NEK10: variants seen among roughly 807,000 people sequenced by gnomAD.
The protein encoded by NEK10 is NIMA related kinase 10.
A neutral mutation model predicts 159.8 loss-of-function variants in NEK10; 122 were observed. The observed-to-expected ratio is 0.76, with a 90% CI of 0.66 to 0.89. NEK10 has a LOEUF of 0.89. Among genes scored for constraint, NEK10 ranks in the 40% least tolerant of loss-of-function variants. The pLI is 0.00. For synonymous variants in NEK10, 466 were observed against 457.1 expected (o/e 1.02, Z -0.25); for missense variants, 1,342 against 1,323.1 (o/e 1.01, Z -0.22).
chr3:27,129,093 G>C (rs911787418), intron 32 of NEK10, among the ~76,000 whole-genome samples: 1 of 151,886 alleles, frequency 6.6e-6, no homozygotes, highest in Non-Finnish European at 1.5e-5. Context: ...GAAAATCCTA[G>C]TTCCCAAGGG....
intron 8 of NEK10, 59 bp from the exon 9 acceptor site, chr3:27,311,075 A>C (rs1221888040): frequency 2.0e-5 from 21 of 1,059,370 alleles, no homozygotes; most frequent in Non-Finnish European, 2.9e-5. Context: ...GAGTACTTCC[A>C]GGAGCACAGA....
At chr3:27,334,710 C>G (rs2046673880) in intron 5 of NEK10, among the ~76,000 whole-genome samples, 1 of 152,160 alleles carries the variant, frequency 6.6e-6, no homozygotes, top group Non-Finnish European at 1.5e-5. Context: ...CCCTACCCAA[C>G]CAACATTATA....
intron 26 of NEK10, among the ~76,000 whole-genome samples, chr3:27,188,269 G>A (rs188731350): frequency 5.9e-5 from 9 of 152,148 alleles, no homozygotes; most frequent in Admixed American, 4.6e-4. Context: ...AAAATGTTCG[G>A]AATCATTAGA....
intron 22 of NEK10, among the ~76,000 whole-genome samples, chr3:27,258,441 A>G (rs1458765041): frequency 6.9e-6 from 1 of 143,974 alleles, no homozygotes; most frequent in Non-Finnish European, 1.5e-5. Flanking sequence ...TCATTGTTCA[A>G]TTCCCACCTA....
At chr3:27,283,322 A>G (rs1295314248) in intron 22 of NEK10, among the ~76,000 whole-genome samples, 1 of 152,150 alleles carries the variant, frequency 6.6e-6, no homozygotes, top group East Asian at 1.9e-4. Context: ...AGGCAACCCA[A>G]TGGGAGTAGG....
Position 27,201,590 on chromosome 3 carries a change from A to G in NEK10, c.2221-10T>C. 1 of 1,611,234 alleles carries G rather than the reference A, an allele frequency of 6.2e-7. No individual in the cohort carries two copies. The highest frequency in any genetic ancestry group is 8.5e-7 in the Non-Finnish European group (1 of 1,177,554). Reference sequence around the variant, plus strand: ...ATACCGCCTCCACTATCTGCAAAACAAACAGACTAGAGTGATGGAAGTAAA... The same window carrying G: ...ATACCGCCTCCACTATCTGCAAAACGAACAGACTAGAGTGATGGAAGTAAA... On this transcript the variant is annotated splice_polypyrimidine_tract_variant and intron_variant, in intron 24 of 35. Coordinates refer to ENST00000691995, the MANE Select transcript of NEK10 (RefSeq NM_001394966.1).
At chr3:27,196,835 T>C (rs1425222363) in intron 25 of NEK10, among the ~76,000 whole-genome samples, 1 of 152,220 alleles carries the variant, frequency 6.6e-6, no homozygotes, top group Admixed American at 6.5e-5. Context: ...CAATTTTTAA[T>C]GTACTTTCCA....
intron 32 of NEK10, among the ~76,000 whole-genome samples, chr3:27,124,958 C>T (rs1019200546): frequency 6.6e-6 from 1 of 152,100 alleles, no homozygotes; most frequent in Non-Finnish European, 1.5e-5. Flanking sequence ...AGTTGTACCT[C>T]CTTTTTAGCA....
intron 22 of NEK10, among the ~76,000 whole-genome samples, chr3:27,280,914 T>G (rs186619911): frequency 1.0e-4 from 13 of 124,666 alleles, no homozygotes; most frequent in Admixed American, 3.1e-4. Context: ...GTACATATGG[T>G]GTGTGTGTGT....
intron 5 of NEK10, among the ~76,000 whole-genome samples, chr3:27,325,175 A>G (rs924655079): frequency 2.0e-5 from 3 of 152,198 alleles, no homozygotes; most frequent in African/African-American, 7.2e-5. Flanking sequence ...TGGCCAGGTG[A>G]CACTTGCTCA....
intron 26 of NEK10, among the ~76,000 whole-genome samples, chr3:27,178,997 G>C (rs938391580): frequency 9.9e-5 from 15 of 152,130 alleles, no homozygotes; most frequent in African/African-American, 2.9e-4. Flanking sequence ...TGAACCTCCG[G>C]GTTTAAGGGA....
In NEK10 at chr3:27,260,604, C is replaced by A. The variant is rs2040321963; in HGVS notation, c.2015-4233G>T. ...CATGGTGGATAAGCTTTTGGATGTG[C>A]TGCTGGATTTGGTTTGCCAGTATTT... On this transcript the variant is annotated intron_variant, in intron 22 of 35. Coordinates refer to ENST00000691995, the MANE Select transcript of NEK10 (RefSeq NM_001394966.1). Among the ~76,000 whole-genome samples, 3 of 152,182 alleles carry A rather than the reference C, an allele frequency of 2.0e-5. No homozygotes were observed. The South Asian group carries it at 6.2e-4, about 32-fold the overall frequency.
At chr3:27,191,433 G>GCATC (rs1256771817) in intron 26 of NEK10, among the ~76,000 whole-genome samples, 1 of 152,220 alleles carries the variant, frequency 6.6e-6, no homozygotes, top group African/African-American at 2.4e-5. Context: ...AGCAACAAGA[G>GCATC]CATCACTGGC....
At chr3:27,153,462 A>C (rs527927381) in intron 30 of NEK10, among the ~76,000 whole-genome samples, 1 of 152,356 alleles carries the variant, frequency 6.6e-6, no homozygotes, top group African/African-American at 2.4e-5. Context: ...TGGACTTAAC[A>C]GATATATACA....
At chr3:27,340,981 TGTA>T (rs2047162261) in intron 5 of NEK10, among the ~76,000 whole-genome samples, 1 of 152,026 alleles carries the variant, frequency 6.6e-6, no homozygotes, top group Admixed American at 6.6e-5. Flanking sequence ...ATTTTTAAAA[TGTA>T]GTATATATAT....
chr3:27,358,624 T>C (rs1411248829), intron 1 of NEK10, among the ~76,000 whole-genome samples: 1 of 152,146 alleles, frequency 6.6e-6, no homozygotes, highest in Admixed American at 6.5e-5. Context: ...TAATCTAAAT[T>C]GTGCAATATT....
intron 22 of NEK10, among the ~76,000 whole-genome samples, chr3:27,260,284 C>T (rs2040283107): frequency 6.6e-6 from 1 of 152,142 alleles, no homozygotes; most frequent in Admixed American, 6.6e-5. Flanking sequence ...GAGAGGGCGT[C>T]CCTGTCTTGT....
At chr3:27,279,618 A>T (rs1249128156) in intron 22 of NEK10, among the ~76,000 whole-genome samples, 1 of 152,248 alleles carries the variant, frequency 6.6e-6, no homozygotes, top group Non-Finnish European at 1.5e-5. Flanking sequence ...TTTTTTAAAG[A>T]ATGACATCAA....
At chr3:27,171,904 T>A (rs1462805679) in intron 28 of NEK10, 31 bp from the exon 29 acceptor site, 1 of 1,594,596 alleles carries the variant, frequency 6.3e-7, no homozygotes, top group Admixed American at 1.7e-5. Context: ...TAACTTTACA[T>A]TATTTCCTCT....
Sources: allele counts gnomAD v4.1 joint callset (sites outside exome capture counted in the v4.1 genomes callset), GRCh38; gene constraint gnomAD v4.1.1; transcripts MANE v1.5; gene names NCBI Gene and HGNC (gene_info 2026-07-23, HGNC 2026-07-21).